The following ADAMTSL1 variants were observed in gnomAD, a reference collection of about 807,000 sequenced individuals.
The protein encoded by ADAMTSL1 is ADAMTS-like protein 1.
ADAMTSL1 carries 126 observed loss-of-function variants against 201.8 expected under a neutral mutation model. The ratio of observed to expected loss-of-function variants is 0.62; its 90% CI spans 0.54 to 0.72. The LOEUF is 0.72. Ranked by LOEUF, ADAMTSL1 falls within the 30% of genes least tolerant of loss-of-function variation. ADAMTSL1 has a pLI of 0.00. For synonymous variants in ADAMTSL1, 1,121 were observed against 903.4 expected (o/e 1.24, Z -4.32); for missense variants, 2,679 against 2,277.8 (o/e 1.18, Z -3.59).
At chr9:18,285,991 T>G (rs1332077583) in intron 2 of ADAMTSL1, among the ~76,000 whole-genome samples, 1 of 152,092 alleles carries the variant, frequency 6.6e-6, no homozygotes, top group African/African-American at 2.4e-5. Context: ...TAGCAGTCAT[T>G]CTCCAAGTTC....
In ADAMTSL1 at chr9:18,522,547, C is replaced by T. The variant is rs543495394; in HGVS notation, c.192-10700C>T. Among the ~76,000 whole-genome samples, 9 of 152,016 alleles carry T rather than the reference C, an allele frequency of 5.9e-5. No individual in the cohort carries two copies. In the South Asian group the frequency reaches 6.2e-4, roughly 11 times the overall value. On this transcript the variant is annotated intron_variant, in intron 2 of 28. Coordinates refer to ENST00000380548, the MANE Select transcript of ADAMTSL1 (RefSeq NM_001040272.6). ...TGTTGGTGTGCTGCACCCATTAACT[C>T]GTTATTTACATTAAGTATATCCCCT...
At chr9:18,774,842 T>A (rs1158663446) in intron 17 of ADAMTSL1, among the ~76,000 whole-genome samples, 1 of 152,204 alleles carries the variant, frequency 6.6e-6, no homozygotes, top group Admixed American at 6.5e-5. Context: ...CTGCTATGAA[T>A]GTTTGCACAC....
chr9:18,741,721 C>G (rs1818839162), intron 15 of ADAMTSL1, among the ~76,000 whole-genome samples: 1 of 152,192 alleles, frequency 6.6e-6, no homozygotes, highest in Non-Finnish European at 1.5e-5. Context: ...TTCCTATCTT[C>G]TGATGGTCTG....
intron 1 of ADAMTSL1, among the ~76,000 whole-genome samples, chr9:18,060,019 A>G (rs1022619675): frequency 1.2e-4 from 18 of 152,212 alleles, no homozygotes; most frequent in Admixed American, 8.5e-4. Flanking sequence ...AGATAGTAAC[A>G]TAGTATAAAT....
intron 2 of ADAMTSL1, among the ~76,000 whole-genome samples, chr9:18,529,045 C>T (rs1819273428): frequency 6.6e-6 from 1 of 152,086 alleles, no homozygotes; most frequent in Non-Finnish European, 1.5e-5. Context: ...CAGATAAATG[C>T]CTTGGATGAA....
chr9:18,321,211 T>C (rs1463988105), intron 2 of ADAMTSL1, among the ~76,000 whole-genome samples: 2 of 152,084 alleles, frequency 1.3e-5, no homozygotes, highest in Non-Finnish European at 2.9e-5. Flanking sequence ...TATCACCCAA[T>C]ATAAAGATAT....
intron 2 of ADAMTSL1, among the ~76,000 whole-genome samples, chr9:18,296,515 C>G (rs1587493963): frequency 6.6e-6 from 1 of 151,916 alleles, no homozygotes. Context: ...TATTATATAT[C>G]TATATTAAAT....
Position 18,221,104 on chromosome 9 carries a change from C to A in ADAMTSL1, c.207+57123C>A, listed in dbSNP as rs142503163. On this transcript the variant is annotated intron_variant, in intron 2 of 29. Transcript: ENST00000680146. ...ACTCCTAAATTTTAAGCATGCATAC[C>A]TTGTTAAAGAAAATCTAAATTAGTA... 7.2e-5 allele frequency among the ~76,000 whole-genome samples: 11 copies of A among 152,208 alleles called. No individual in the cohort carries two copies. The South Asian group carries it at 2.3e-3, about 32-fold the overall frequency.
intron 1 of ADAMTSL1, among the ~76,000 whole-genome samples, chr9:17,951,152 C>T (rs1827713516): frequency 6.6e-6 from 1 of 152,114 alleles, no homozygotes; most frequent in Non-Finnish European, 1.5e-5. Context: ...GCACAGGGGG[C>T]AAGGGAGTCC....
chr9:18,887,125 C>A (rs956414055), intron 23 of ADAMTSL1, among the ~76,000 whole-genome samples: 4 of 152,220 alleles, frequency 2.6e-5, no homozygotes, highest in Non-Finnish European at 5.9e-5. Context: ...TCAGCAAGTA[C>A]CCTGACCTTC....
chr9:18,283,970 C>T lies in ADAMTSL1; in HGVS notation c.207+119989C>T, dbSNP rs191935848. Among the ~76,000 whole-genome samples the T allele has an allele frequency of 2.1e-5, 3 of 139,870 alleles. No individual in the cohort carries two copies. The Admixed American group carries it at 2.2e-4, about 10-fold the overall frequency. 91.8% of individuals were successfully genotyped at this position (139,870 alleles called of 152,430 possible). A position where few individuals can be genotyped will look rare whatever the true frequency, so the allele number is the denominator to read the frequency against. ...AGAAGGCTGGGTGTGGTGGCTCACA[C>T]CTGTAATCCCAGCACTTTGGGAGGC... On this transcript the variant is annotated intron_variant, in intron 2 of 29. Coordinates refer to the ADAMTSL1 transcript ENST00000680146.
At chr9:18,404,354 T>G (rs1818102379) in intron 2 of ADAMTSL1, among the ~76,000 whole-genome samples, 1 of 152,236 alleles carries the variant, frequency 6.6e-6, no homozygotes, top group Non-Finnish European at 1.5e-5. Context: ...TTGGTCATCA[T>G]GAAGGATTTT....
intron 1 of ADAMTSL1, among the ~76,000 whole-genome samples, chr9:17,922,751 C>T (rs1329723229): frequency 9.2e-5 from 14 of 152,170 alleles, no homozygotes; most frequent in Admixed American, 6.5e-4. Context: ...TCAGAGCATA[C>T]GCTATTATTT....
intron 3 of ADAMTSL1, among the ~76,000 whole-genome samples, chr9:18,553,419 T>C (rs1455212019): frequency 2.6e-5 from 4 of 151,888 alleles, no homozygotes; most frequent in South Asian, 2.1e-4. Flanking sequence ...GCTATTTTTG[T>C]CAAGTGTTTT....
intron 2 of ADAMTSL1, among the ~76,000 whole-genome samples, chr9:18,247,828 G>A (rs1831321514): frequency 6.6e-6 from 1 of 152,096 alleles, no homozygotes; most frequent in Admixed American, 6.5e-5. Flanking sequence ...TTAAACAAGT[G>A]TATGTGGAAA....
chr9:18,497,288 A>T (rs756691029), intron 1 of ADAMTSL1, among the ~76,000 whole-genome samples: 1 of 152,190 alleles, frequency 6.6e-6, no homozygotes, highest in Non-Finnish European at 1.5e-5. Context: ...GAATTTTTTT[A>T]AATGACTGTA....
At chr9:18,450,167 A>G (rs1248658060) in intron 2 of ADAMTSL1, among the ~76,000 whole-genome samples, 1 of 152,186 alleles carries the variant, frequency 6.6e-6, no homozygotes, top group African/African-American at 2.4e-5. Context: ...TGGAACATCC[A>G]TACAACGAAT....
intron 2 of ADAMTSL1, among the ~76,000 whole-genome samples, chr9:18,281,675 G>T (rs1832794881): frequency 6.6e-6 from 1 of 152,142 alleles, no homozygotes; most frequent in South Asian, 2.1e-4. Flanking sequence ...CGCCTCAAAG[G>T]GCTCAGACAA....
intron 1 of ADAMTSL1, among the ~76,000 whole-genome samples, chr9:18,069,753 T>G (rs929536230): frequency 2.0e-5 from 3 of 152,170 alleles, no homozygotes; most frequent in African/African-American, 7.2e-5. Flanking sequence ...TATGATAGAA[T>G]GAAGCCATAG....
Sources: allele counts gnomAD v4.1 joint callset (sites outside exome capture counted in the v4.1 genomes callset), GRCh38; gene constraint gnomAD v4.1.1; transcripts MANE v1.5; gene names NCBI Gene and HGNC (gene_info 2026-07-23, HGNC 2026-07-21).